The following DAD1 variants were observed in gnomAD, a reference collection of about 807,000 sequenced individuals.
The protein encoded by DAD1 is defender against cell death 1.
In DAD1, 4 loss-of-function variants were observed where a neutral mutation model predicts 9.0. The observed-to-expected ratio is 0.44, with a 90% CI of 0.22 to 1.01. The LOEUF is 1.01. Among genes scored for constraint, DAD1 ranks in the 50% least tolerant of loss-of-function variants. The pLI, the probability that DAD1 is intolerant of heterozygous loss-of-function variation, is 0.24. For missense variants in DAD1, 119 were observed against 137.3 expected, an observed-to-expected ratio of 0.87 and a Z score of 0.67; for synonymous variants, 60 against 62.5, an observed-to-expected ratio of 0.96 and a Z score of 0.19.
intron 1 of DAD1, among the ~76,000 whole-genome samples, chr14:22,580,373 G>A (rs35922780): frequency 0.092 from 13,967 of 151,850 alleles, 1,183 homozygotes; most frequent in African/African-American, 0.22. Flanking sequence ...GCTGCAGTGA[G>A]CCACAGTCAT....
At chr14:22,588,853 T>TC in intron 1 of DAD1, 94 bp downstream of exon 1, 1 of 1,282,136 alleles carries the variant, frequency 7.8e-7, no homozygotes, top group Non-Finnish European at 1.1e-6. Context: ...TCTCATAACT[T>TC]CAAGGGGCGG....
rs527364602 is a variant in DAD1 at position 22,564,950 on chromosome 14, C to T, written c.*232G>A. 195 of 598,750 alleles carry T rather than the reference C, an allele frequency of 3.3e-4. 4 individuals are homozygous for T. In the South Asian group the frequency reaches 3.5e-3, roughly 11 times the overall value. 37.1% of individuals were successfully genotyped at this position (598,750 alleles called of 1,614,324 possible). ...CTTTAATTTGGAAGGCAAAAGGTTA[C>T]ATTTAATGAAAGGCAGAGGCTGGAT... On this transcript the variant is annotated 3_prime_UTR_variant, in exon 3 of 3. Transcript: ENST00000250498.
rs184083162 is a variant in DAD1, at chr14:22,586,396, T to C, written c.211+2551A>G. Reference sequence around the variant, plus strand: ...CTCCGTCTCCACTAAAAATACAAAATTCGCCGGGCGTGGTGGCACATGCCT... The same window carrying C: ...CTCCGTCTCCACTAAAAATACAAAACTCGCCGGGCGTGGTGGCACATGCCT... On this transcript the variant is annotated intron_variant, in intron 1 of 2. Coordinates refer to ENST00000250498, the MANE Select transcript of DAD1 (RefSeq NM_001344.4). 3.7e-3 allele frequency among the ~76,000 whole-genome samples: 556 copies of C among 148,966 alleles called. 2 individuals carry two copies. The highest frequency in any genetic ancestry group is 5.3e-3 in the Non-Finnish European group (357 of 66,962).
intron 2 of DAD1, among the ~76,000 whole-genome samples, chr14:22,569,852 C>G (rs2037026509): frequency 6.6e-6 from 1 of 152,134 alleles, no homozygotes; most frequent in South Asian, 2.1e-4. Context: ...AAGAACTAAT[C>G]TCAGAGCCAG....
At chr14:22,587,730 C>T (rs930206991) in intron 1 of DAD1, among the ~76,000 whole-genome samples, 2 of 151,474 alleles carry the variant, frequency 1.3e-5, no homozygotes, top group South Asian at 4.2e-4. Flanking sequence ...CACAGCACCA[C>T]TGTCACCAGA....
intron 2 of DAD1, among the ~76,000 whole-genome samples, chr14:22,573,822 T>G (rs5742808): frequency 0.069 from 10,470 of 152,090 alleles, 502 homozygotes; most frequent in African/African-American, 0.13. Context: ...AACAGAACTG[T>G]TTTTGAGGCA....
chr14:22,571,687 T>C (rs899741084), intron 2 of DAD1, among the ~76,000 whole-genome samples: 5 of 142,742 alleles, frequency 3.5e-5, no homozygotes, highest in Non-Finnish European at 6.0e-5. Flanking sequence ...TGGAGTGCAA[T>C]GGTGCAATTC....
chr14:22,575,837 G>A (rs1394434483), intron 1 of DAD1, among the ~76,000 whole-genome samples: 5 of 152,076 alleles, frequency 3.3e-5, no homozygotes, highest in South Asian at 2.1e-4. Context: ...ATGAGCCACC[G>A]TGCCCGGACA....
chr14:22,589,178 G>T lies in DAD1; in HGVS notation c.-21C>A, dbSNP rs1051101. The T allele has an allele frequency of 1.9e-5, 30 of 1,613,024 alleles. No homozygotes were observed. Among genetic ancestry groups the T allele is most frequent in the Non-Finnish European group, 2.1e-5 (25 of 1,179,376 alleles). On this transcript the variant is annotated 5_prime_UTR_variant, in exon 1 of 3. Transcript: ENST00000250498. ...GACATAACTGCACGCAAGGTACTCC[G>T]GTCCGCGCCCCAAACTCTTGGAGGA...
chr14:22,567,906 C>A (rs1410328966), intron 2 of DAD1, among the ~76,000 whole-genome samples: 1 of 152,194 alleles, frequency 6.6e-6, no homozygotes, highest in Non-Finnish European at 1.5e-5. Context: ...TCCTATCAAT[C>A]TCTGCCAAAT....
chr14:22,586,009 A>G (rs1285719926), intron 1 of DAD1, among the ~76,000 whole-genome samples: 4 of 151,852 alleles, frequency 2.6e-5, no homozygotes, highest in Non-Finnish European at 5.9e-5. Context: ...GATCAAGACC[A>G]TCCTGGCTAA....
chr14:22,574,174 C>A (rs958690920), intron 2 of DAD1, among the ~76,000 whole-genome samples: 2 of 152,144 alleles, frequency 1.3e-5, no homozygotes, highest in Non-Finnish European at 1.5e-5. Flanking sequence ...CCAAGAACAC[C>A]GCTAGACTAG....
chr14:22,571,583 C>T (rs547158297), intron 2 of DAD1, among the ~76,000 whole-genome samples: 1 of 149,524 alleles, frequency 6.7e-6, no homozygotes, highest in South Asian at 2.1e-4. Context: ...TTCTTGATCA[C>T]CTGGATAGAT....
chr14:22,583,380 CT>C (rs1354271455), intron 1 of DAD1, among the ~76,000 whole-genome samples: 2 of 150,750 alleles, frequency 1.3e-5, no homozygotes, highest in Non-Finnish European at 3.0e-5. Context: ...CAAGAAAAAA[CT>C]TTCCTTTTAC....
intron 1 of DAD1, among the ~76,000 whole-genome samples, chr14:22,582,241 G>A (rs959129316): frequency 4.0e-5 from 6 of 150,526 alleles, no homozygotes; most frequent in East Asian, 2.0e-4. Flanking sequence ...TAGGCCAGGC[G>A]CAGTGGCTCA....
chr14:22,588,681 C>A (rs930304660), intron 1 of DAD1, among the ~76,000 whole-genome samples: 1 of 152,124 alleles, frequency 6.6e-6, no homozygotes, highest in South Asian at 2.1e-4. Context: ...TTCCCCGGAC[C>A]AATATTAAGT....
Position 22,580,687 on chromosome 14 carries a change from G to A in DAD1, c.212-5454C>T, listed in dbSNP as rs1328523922. Reference sequence around the variant, plus strand: ...TTTCAATGAAAACATATGAATCAGAGTCCCACAAAGTTGGAAAGGACCTCA... The same window carrying A: ...TTTCAATGAAAACATATGAATCAGAATCCCACAAAGTTGGAAAGGACCTCA... On this transcript the variant is annotated intron_variant, in intron 1 of 2. Transcript: ENST00000250498. Among the ~76,000 whole-genome samples, 3 of 152,196 alleles carry A rather than the reference G, an allele frequency of 2.0e-5. 1 individual carries two copies. The highest frequency in any genetic ancestry group is 4.2e-4 in the South Asian group (2 of 4,810).
intron 1 of DAD1, among the ~76,000 whole-genome samples, chr14:22,580,497 GA>G (rs999031688): frequency 2.6e-5 from 4 of 151,498 alleles, no homozygotes; most frequent in Non-Finnish European, 4.4e-5. Flanking sequence ...TTAGAATCTA[GA>G]AAAAAATCTG....
intron 1 of DAD1, among the ~76,000 whole-genome samples, chr14:22,582,981 G>A (rs1009183622): frequency 6.8e-6 from 1 of 146,598 alleles, no homozygotes; most frequent in Non-Finnish European, 1.5e-5. Context: ...ACTCCAGCCT[G>A]GGTGACAGAG....
Sources: allele counts gnomAD v4.1 joint callset (sites outside exome capture counted in the v4.1 genomes callset), GRCh38; gene constraint gnomAD v4.1.1; transcripts MANE v1.5; gene names NCBI Gene and HGNC (gene_info 2026-07-23, HGNC 2026-07-21).